Variants in MYO16 observed in about 807,000 individuals in gnomAD.
MYO16 encodes myosin XVI.
In MYO16, 94 loss-of-function variants were observed where a neutral mutation model predicts 205.3. The observed-to-expected ratio is 0.46, with a 90% CI of 0.39 to 0.54. The LOEUF (loss-of-function observed/expected upper bound fraction) is 0.54, where lower values mean the gene tolerates loss of function less well. MYO16 is among the 20% of genes least tolerant of loss of function. The probability of loss-of-function intolerance (pLI) is 0.00; values close to 1 mark genes in which losing one functional copy is unlikely to be tolerated. For missense variants in MYO16, 2,315 were observed against 2,387.5 expected, an observed-to-expected ratio of 0.97 and a Z score of 0.63; for synonymous variants, 988 against 954.0, an observed-to-expected ratio of 1.04 and a Z score of -0.66.
At chr13:108,617,492 C>T (rs940384052) in intron 1 of MYO16, among the ~76,000 whole-genome samples, 3 of 152,284 alleles carry the variant, frequency 2.0e-5, no homozygotes, top group Admixed American at 2.0e-4. Context: ...TACTCCTCCT[C>T]ACTATAGCAC....
At chr13:109,113,002 C>T (rs1396612139) in intron 28 of MYO16, among the ~76,000 whole-genome samples, 1 of 152,158 alleles carries the variant, frequency 6.6e-6, no homozygotes, top group African/African-American at 2.4e-5. Flanking sequence ...GACTTCAGTG[C>T]TACTGTAGAG....
intron 28 of MYO16, among the ~76,000 whole-genome samples, chr13:109,111,038 T>C (rs926493208): frequency 1.3e-5 from 2 of 152,172 alleles, no homozygotes; most frequent in Non-Finnish European, 2.9e-5. Flanking sequence ...GATGGTAGGA[T>C]GACGGATGAA....
chr13:108,758,714 G>A (rs1021206491), intron 4 of MYO16, among the ~76,000 whole-genome samples: 1 of 152,148 alleles, frequency 6.6e-6, no homozygotes, highest in Non-Finnish European at 1.5e-5. Flanking sequence ...TGGCATGTTT[G>A]TTAATAGATC....
intron 22 of MYO16, among the ~76,000 whole-genome samples, chr13:109,018,595 C>T (rs766587156): frequency 4.6e-5 from 7 of 152,122 alleles, no homozygotes; most frequent in Non-Finnish European, 1.0e-4. Flanking sequence ...TAGCAGTGAG[C>T]AAGGCTCTGT....
At chr13:109,024,754 A>G (rs1231942150) in intron 23 of MYO16, among the ~76,000 whole-genome samples, 1 of 152,110 alleles carries the variant, frequency 6.6e-6, no homozygotes, top group Admixed American at 6.6e-5. Context: ...TTGTACTGAG[A>G]TGTACTAATG....
At chr13:108,875,607 C>G (rs1182769184) in intron 12 of MYO16, among the ~76,000 whole-genome samples, 1 of 152,092 alleles carries the variant, frequency 6.6e-6, no homozygotes, top group Non-Finnish European at 1.5e-5. Flanking sequence ...TCTTTAGACA[C>G]TCAAGGCTCA....
rs1192021699 is a variant in MYO16, at chr13:108,666,070, G to A, written c.213G>A (p.Lys71=). Reference sequence around the variant, plus strand: ...AGGAAGGGTTCCTGAAAAGGCTGAAGCATGCGAAGAATCCGAAAGTTCACT... The same window carrying A: ...AGGAAGGGTTCCTGAAAAGGCTGAAACATGCGAAGAATCCGAAAGTTCACT... ...QKQEGFLKRL[K]HAKNPKVHFN... Residue 71 remains lysine (K), a synonymous_variant, in exon 2 of 35, where the codon AAG becomes AAA. Transcript: ENST00000457511. The A allele has an allele frequency of 1.2e-6, 2 of 1,614,108 alleles. No individual in the cohort carries two copies. Among genetic ancestry groups the A allele is most frequent in the East Asian group, 2.2e-5 (1 of 44,878 alleles).
intron 15 of MYO16, among the ~76,000 whole-genome samples, chr13:108,906,478 T>C (rs2391712): frequency 0.99 from 151,282 of 152,336 alleles, 75,128 homozygotes; most frequent in Middle Eastern, 1. Context: ...AAACTAGAGG[T>C]GTAATAACAG....
At chr13:108,819,818 G>A (rs537673047) in intron 7 of MYO16, among the ~76,000 whole-genome samples, 1 of 152,142 alleles carries the variant, frequency 6.6e-6, no homozygotes, top group African/African-American at 2.4e-5. Flanking sequence ...AGACTTCGAT[G>A]AATTGCTCAA....
intron 10 of MYO16, among the ~76,000 whole-genome samples, chr13:108,849,617 T>TGTGTGTGTG (rs1566368062): frequency 4.2e-5 from 3 of 71,454 alleles, no homozygotes; most frequent in African/African-American, 2.1e-4. Flanking sequence ...GAATTTCCTC[T>TGTGTGTGTG]TTTGTGTGTG....
chr13:109,082,860 C>T lies in MYO16; in HGVS notation c.3336-17925C>T, dbSNP rs377471348. Among the ~76,000 whole-genome samples the T allele has an allele frequency of 2.3e-3, 343 of 152,012 alleles. 1 individual carries two copies. Among genetic ancestry groups the T allele is most frequent in the African/African-American group, 8.1e-3 (336 of 41,466 alleles). On this transcript the variant is annotated intron_variant, in intron 27 of 34. Transcript: ENST00000457511. ...ATAATGGGTTTAGCTTTAGATGAAG[C>T]GGGTTCAAGGTACCTGTGAGATGCT...
intron 1 of MYO16, among the ~76,000 whole-genome samples, chr13:108,612,082 T>C (rs946032316): frequency 1.3e-5 from 2 of 151,274 alleles, no homozygotes; most frequent in African/African-American, 4.9e-5. Context: ...TATATATGCA[T>C]GCATGTGCAT....
chr13:108,852,010 C>CCTCA (rs1566369402), intron 10 of MYO16, among the ~76,000 whole-genome samples: 1 of 152,178 alleles, frequency 6.6e-6, no homozygotes, highest in Non-Finnish European at 1.5e-5. Context: ...ACCTTACAGC[C>CCTCA]CTCACCATGT....
At chr13:108,671,875 G>A (rs7988987) in intron 2 of MYO16, among the ~76,000 whole-genome samples, 23,988 of 151,976 alleles carry the variant, frequency 0.16, 2,732 homozygotes, top group South Asian at 0.32. Context: ...TAAACTCATC[G>A]AACCTAATTC....
At chr13:109,108,409 G>C (rs1889185329) in intron 28 of MYO16, among the ~76,000 whole-genome samples, 1 of 152,224 alleles carries the variant, frequency 6.6e-6, no homozygotes, top group African/African-American at 2.4e-5. Context: ...CATTATGCAT[G>C]AAGAGTAATA....
Position 108,809,995 on chromosome 13 carries a change from G to A in MYO16, c.867+3191G>A, listed in dbSNP as rs373285151. ...TGCGAATCATGAAGATGAATGCCTC[G>A]TGTGTGTATGGATCATCAGTCAGCA... On this transcript the variant is annotated intron_variant, in intron 7 of 34. Transcript: ENST00000457511. Among the ~76,000 whole-genome samples the A allele has an allele frequency of 1.3e-4, 20 of 152,254 alleles. 1 individual carries two copies. The South Asian group carries it at 1.9e-3, about 14-fold the overall frequency.
rs1393357102 is a variant in MYO16, at chr13:108,957,717, C to T, written c.1955C>T (p.Ala652Val). 1.9e-6 allele frequency: 3 copies of T among 1,613,008 alleles called. No individual in the cohort carries two copies. The highest frequency in any genetic ancestry group is 2.2e-5 in the East Asian group (1 of 44,878). ...TTGAACCAGACCATACAGGATGATG[C>T]ATCCACAGGGGAGCGTTCTCTGAAC... is the stretch of plus-strand genomic sequence containing the variant. ...RYLNQTIQDD[A>V]STGERSLNRE... The change falls in exon 17 of 35, where the codon GCA (alanine) becomes GTA (valine). Residue 652 changes from alanine to valine, a missense_variant. Coordinates refer to ENST00000457511, the MANE Select transcript of MYO16 (RefSeq NM_001198950.3).
chr13:108,801,172 A>G (rs1234442258), intron 6 of MYO16, among the ~76,000 whole-genome samples: 5 of 152,262 alleles, frequency 3.3e-5, no homozygotes, highest in African/African-American at 1.2e-4. Context: ...TTACTAGAAA[A>G]TAAACAATAA....
intron 16 of MYO16, among the ~76,000 whole-genome samples, chr13:108,912,060 C>T (rs1203269756): frequency 6.6e-6 from 1 of 152,116 alleles, no homozygotes; most frequent in Non-Finnish European, 1.5e-5. Flanking sequence ...GGAGTGTCAG[C>T]AGGGTACTGG....
Sources: allele counts gnomAD v4.1 joint callset (sites outside exome capture counted in the v4.1 genomes callset), GRCh38; gene constraint gnomAD v4.1.1; transcripts MANE v1.5; gene names NCBI Gene and HGNC (gene_info 2026-07-23, HGNC 2026-07-21).